ERICH1: variants seen among roughly 807,000 people sequenced by gnomAD.
ERICH1 encodes the protein glutamate rich 1, also known as glutamate-rich protein 1.
Under a neutral mutation model 39.6 loss-of-function variants are expected in ERICH1, and 56 were observed. The observed-to-expected ratio is 1.41, with a 90% confidence interval of 1.14 to 1.77. ERICH1 has a LOEUF of 1.77. Ranked by LOEUF, ERICH1 falls within the 40% of genes most tolerant of loss-of-function variation. The pLI, the probability that ERICH1 is intolerant of heterozygous loss-of-function variation, is 0.00. For missense variants in ERICH1, 826 were observed against 575.4 expected (o/e 1.44, Z -4.45); for synonymous variants, 313 against 223.6 (o/e 1.40, Z -3.57).
At chr8:726,686 T>G (rs1005470990) in intron 1 of ERICH1, among the ~76,000 whole-genome samples, 21 of 136,670 alleles carry the variant, frequency 1.5e-4, no homozygotes, top group African/African-American at 6.7e-4. Context: ...CACAGGCACA[T>G]CATACACAGG....
chr8:649,707 G>C (rs1032156123), intron 3 of ERICH1, among the ~76,000 whole-genome samples: 1 of 152,190 alleles, frequency 6.6e-6, no homozygotes, highest in Non-Finnish European at 1.5e-5. Flanking sequence ...GCTGGAAGAC[G>C]GGGCTCCAAG....
chr8:727,817 T>A (rs1487047163), intron 1 of ERICH1, among the ~76,000 whole-genome samples: 1 of 152,118 alleles, frequency 6.6e-6, no homozygotes, highest in Non-Finnish European at 1.5e-5. Context: ...TGGACCACCT[T>A]GATGGGAAAC....
intron 3 of ERICH1, among the ~76,000 whole-genome samples, chr8:642,975 CTTG>C (rs1396183956): frequency 6.6e-6 from 1 of 152,194 alleles, no homozygotes. Flanking sequence ...CGCCGAGTCA[CTTG>C]TTGGAACGTG....
chr8:634,701 G>T (rs1401407225), intron 3 of ERICH1, among the ~76,000 whole-genome samples: 1 of 152,140 alleles, frequency 6.6e-6, no homozygotes, highest in African/African-American at 2.4e-5. Flanking sequence ...CCACTCAGCT[G>T]GTCCCGGGTG....
chr8:630,146 C>A (rs1453940224), intron 3 of ERICH1, among the ~76,000 whole-genome samples: 2 of 126,070 alleles, frequency 1.6e-5, no homozygotes, highest in African/African-American at 6.6e-5. Flanking sequence ...TGACTCACAC[C>A]CTCCCGTGAC....
At chr8:662,463 A>C (rs556633750), downstream of ERICH1, among the ~76,000 whole-genome samples, 34 of 124,164 alleles carry the variant, frequency 2.7e-4, no homozygotes, top group East Asian at 0.02. Flanking sequence ...AGCCTGACCA[A>C]CATGGAGAAA....
intron 3 of ERICH1, among the ~76,000 whole-genome samples, chr8:680,354 C>A (rs1340938333): frequency 6.8e-6 from 1 of 147,054 alleles, no homozygotes; most frequent in African/African-American, 2.5e-5. Context: ...CCTGTGAACA[C>A]AGAAGATGCA....
downstream of ERICH1, among the ~76,000 whole-genome samples, chr8:661,196 A>T (rs1227553019): frequency 6.6e-6 from 1 of 152,102 alleles, no homozygotes; most frequent in Non-Finnish European, 1.5e-5. Flanking sequence ...CGATTCTCTG[A>T]AGAGCCCCGG....
Position 615,454 on chromosome 8 carries a change from T to C in ERICH1, c.977-170A>G, listed in dbSNP as rs151032120. The C allele has an allele frequency of 2.5e-4, 118 of 481,486 alleles. 1 individual carries two copies. The highest frequency in any genetic ancestry group is 2.2e-3 in the African/African-American group (112 of 50,274). The allele number at this position is 481,486 out of a possible 1,614,324, so 29.8% of individuals were successfully genotyped here. A position where few individuals can be genotyped will look rare whatever the true frequency, so the allele number is the denominator to read the frequency against. On this transcript the variant is annotated intron_variant, in intron 3 of 3. Coordinates refer to the ERICH1 transcript ENST00000522706. Reference sequence around the variant, plus strand: ...ACAATGATCAAAGCAATGGTCACAATAGTGCCTGGGGTGGCTGTCATCTCT... The same window carrying C: ...ACAATGATCAAAGCAATGGTCACAACAGTGCCTGGGGTGGCTGTCATCTCT...
chr8:657,485 G>C (rs890752640), intron 3 of ERICH1, among the ~76,000 whole-genome samples: 1 of 151,836 alleles, frequency 6.6e-6, no homozygotes, highest in Non-Finnish European at 1.5e-5. Flanking sequence ...GCTGGATTTA[G>C]GCAGTTTTGA....
chr8:625,296 A>G (rs949484389), intron 3 of ERICH1, among the ~76,000 whole-genome samples: 3 of 152,214 alleles, frequency 2.0e-5, no homozygotes, highest in African/African-American at 4.8e-5. Flanking sequence ...GTAGCCACAA[A>G]AAGGAAAGCA....
chr8:638,301 G>A (rs1798608419), intron 3 of ERICH1, among the ~76,000 whole-genome samples: 1 of 152,214 alleles, frequency 6.6e-6, no homozygotes, highest in Non-Finnish European at 1.5e-5. Flanking sequence ...CCTGGGGCTC[G>A]ATGGGAAGCT....
At chr8:686,246 CATAA>C (rs1807338469) in intron 3 of ERICH1, among the ~76,000 whole-genome samples, 1 of 152,084 alleles carries the variant, frequency 6.6e-6, no homozygotes, top group Non-Finnish European at 1.5e-5. Flanking sequence ...GTAAAATATT[CATAA>C]ATCACTCTAT....
chr8:633,165 G>A (rs1210980260), intron 3 of ERICH1, among the ~76,000 whole-genome samples: 2 of 151,684 alleles, frequency 1.3e-5, no homozygotes, highest in Admixed American at 6.6e-5. Flanking sequence ...TGGAGCCCGC[G>A]TGGGGCCGCC....
At chr8:630,854 A>T (rs1445944037) in intron 3 of ERICH1, among the ~76,000 whole-genome samples, 1 of 141,680 alleles carries the variant, frequency 7.1e-6, no homozygotes, top group East Asian at 2.2e-4. Flanking sequence ...CCACCCACTC[A>T]GACAGAGCTG....
rs1415572696 is a variant in ERICH1 at position 647,678 on chromosome 8, C to T, written c.976+20920G>A. Among the ~76,000 whole-genome samples the T allele has an allele frequency of 1.2e-4, 8 of 65,808 alleles. 3 individuals carry two copies. Among genetic ancestry groups the T allele is most frequent in the African/African-American group, 3.2e-4 (8 of 25,156 alleles). The allele number at this position is 65,808 out of a possible 152,430, so 43.2% of individuals were successfully genotyped here. A position where few individuals can be genotyped will look rare whatever the true frequency, so the allele number is the denominator to read the frequency against. On this transcript the variant is annotated intron_variant, in intron 3 of 3. Coordinates refer to the ERICH1 transcript ENST00000522706. Reference sequence around the variant, plus strand: ...GTCTGGCAGCCCTGATGGAGTTGAGCCAGCCCACTCCTGGATGAGCCTCAG... The same window carrying T: ...GTCTGGCAGCCCTGATGGAGTTGAGTCAGCCCACTCCTGGATGAGCCTCAG...
At chr8:657,632 G>C (rs1183527472) in intron 3 of ERICH1, among the ~76,000 whole-genome samples, 1 of 151,226 alleles carries the variant, frequency 6.6e-6, no homozygotes. Context: ...TTGGCCACTG[G>C]ATTTTGTACA....
At chr8:685,319 A>G (rs969178566) in intron 3 of ERICH1, among the ~76,000 whole-genome samples, 8 of 152,214 alleles carry the variant, frequency 5.3e-5, no homozygotes, top group African/African-American at 1.9e-4. Context: ...CCTAATGGTA[A>G]TCTCCCTTGT....
chr8:689,084 A>G (rs1808329280), intron 3 of ERICH1, among the ~76,000 whole-genome samples: 1 of 152,148 alleles, frequency 6.6e-6, no homozygotes, highest in Admixed American at 6.5e-5. Flanking sequence ...GTACACTCAT[A>G]TAAACTAGGT....
Sources: allele counts gnomAD v4.1 joint callset (sites outside exome capture counted in the v4.1 genomes callset), GRCh38; gene constraint gnomAD v4.1.1; transcripts MANE v1.5; gene names NCBI Gene and HGNC (gene_info 2026-07-23, HGNC 2026-07-21).